FMN1: variants seen among roughly 807,000 people sequenced by gnomAD.
The protein encoded by FMN1 is formin-1.
Under a neutral mutation model 132.4 loss-of-function variants are expected in FMN1, and 110 were observed. The ratio of observed to expected loss-of-function variants is 0.83; its 90% CI spans 0.71 to 0.97. The LOEUF is 0.97. Among genes scored for constraint, FMN1 ranks in the 50% least tolerant of loss-of-function variants. The pLI is 0.00. For synonymous variants in FMN1, 722 were observed against 651.7 expected (o/e 1.11, Z -1.64); for missense variants, 1,792 against 1,705.3 (o/e 1.05, Z -0.90).
Position 33,059,900 on chromosome 15 carries a change from G to T in FMN1, c.2161+5057C>A, listed in dbSNP as rs115786572. ...TATGTGATTCTTGAGTCTCCAGTCCGCACTTTTGATTCCTCTCCTAAAAGC... is the reference window on the plus strand; with the variant it reads ...TATGTGATTCTTGAGTCTCCAGTCCTCACTTTTGATTCCTCTCCTAAAAGC... On this transcript the variant is annotated intron_variant, in intron 6 of 20. Transcript: ENST00000616417. 6.5e-3 allele frequency among the ~76,000 whole-genome samples: 985 copies of T among 152,248 alleles called. 14 individuals are homozygous for T. Among genetic ancestry groups the T allele is most frequent in the African/African-American group, 0.023 (954 of 41,538 alleles).
At chr15:33,090,182 A>G (rs1232884297) in intron 4 of FMN1, among the ~76,000 whole-genome samples, 2 of 152,204 alleles carry the variant, frequency 1.3e-5, no homozygotes, top group African/African-American at 4.8e-5. Flanking sequence ...GTATTTTGCA[A>G]TAGAGATCAC....
At chr15:33,089,477 C>T (rs1292676512) in intron 4 of FMN1, among the ~76,000 whole-genome samples, 1 of 152,176 alleles carries the variant, frequency 6.6e-6, no homozygotes, top group African/African-American at 2.4e-5. Flanking sequence ...GCATGAGAAA[C>T]CCATTTTGGA....
intron 2 of FMN1, among the ~76,000 whole-genome samples, chr15:33,185,195 C>T (rs1017530446): frequency 1.3e-5 from 2 of 152,168 alleles, no homozygotes; most frequent in African/African-American, 4.8e-5. Flanking sequence ...TTAAAATACA[C>T]AACAGTTGCA....
At chr15:32,903,821 A>G (rs1596234770) in intron 12 of FMN1, among the ~76,000 whole-genome samples, 1 of 152,234 alleles carries the variant, frequency 6.6e-6, no homozygotes, top group East Asian at 1.9e-4. Flanking sequence ...AAGGCTCTCT[A>G]GGATTAAAGC....
intron 6 of FMN1, among the ~76,000 whole-genome samples, chr15:33,019,639 A>G (rs2035306248): frequency 6.6e-6 from 1 of 152,170 alleles, no homozygotes; most frequent in Non-Finnish European, 1.5e-5. Flanking sequence ...GAGGCAGCTA[A>G]GCCCCGGGGA....
chr15:33,059,809 A>G lies in FMN1; in HGVS notation c.2161+5148T>C, dbSNP rs114573751. ...TTTATATTCTAAAAACTGAGACTCT[A>G]TATTTTAATCTCTTGCTTCTACTCT... On this transcript the variant is annotated intron_variant, in intron 6 of 20. Coordinates refer to ENST00000616417, the MANE Select transcript of FMN1 (RefSeq NM_001277313.2). Among the ~76,000 whole-genome samples the G allele has an allele frequency of 6.5e-3, 990 of 152,318 alleles. 14 individuals carry two copies. The highest frequency in any genetic ancestry group is 0.023 in the African/African-American group (952 of 41,556).
At chr15:33,121,921 A>G (rs1192820238) in intron 4 of FMN1, among the ~76,000 whole-genome samples, 2 of 152,204 alleles carry the variant, frequency 1.3e-5, no homozygotes, top group Non-Finnish European at 2.9e-5. Flanking sequence ...AAAATCTAGA[A>G]CTTAATTAGG....
chr15:33,136,730 T>G (rs1963783052), intron 4 of FMN1, among the ~76,000 whole-genome samples: 1 of 152,340 alleles, frequency 6.6e-6, no homozygotes, highest in South Asian at 2.1e-4. Context: ...CTATATTGAA[T>G]GCAAGTCCCT....
chr15:32,969,443 C>A lies in FMN1; in HGVS notation c.2258G>T (p.Gly753Val), dbSNP rs775458709. ...QFELRAFHIRGEHAMITARLE... is the reference protein window; with the variant it reads ...QFELRAFHIRVEHAMITARLE... ...TCTCGCTGTTATCATTGCATGCTCG[C>A]CCCGGATATGAAATGCCCGAAGTTC... The change falls in exon 8 of 21, where the codon GGC becomes GTC. Residue 753 changes from glycine (G) to valine (V), a missense_variant. By Grantham distance (109) the Gly-to-Val change is moderately radical. Transcript: ENST00000616417. 55 of 1,613,812 alleles carry A rather than the reference C, an allele frequency of 3.4e-5. No homozygotes were observed. The highest frequency in any genetic ancestry group is 4.7e-5 in the Non-Finnish European group (55 of 1,179,854).
intron 5 of FMN1, chr15:33,067,780 C>T (rs1280175347): frequency 6.2e-7 from 1 of 1,613,904 alleles, no homozygotes; most frequent in Non-Finnish European, 8.5e-7. Context: ...ATAGGGATTT[C>T]ATAGAGAACT....
At chr15:32,972,688 A>T (rs2031886754) in intron 7 of FMN1, among the ~76,000 whole-genome samples, 1 of 151,984 alleles carries the variant, frequency 6.6e-6, no homozygotes, top group African/African-American at 2.4e-5. Flanking sequence ...CTTCCTTGCC[A>T]TTTTTTTCCT....
chr15:32,918,307 TA>T (rs910397183), intron 10 of FMN1, among the ~76,000 whole-genome samples: 22 of 148,706 alleles, frequency 1.5e-4, no homozygotes, highest in Middle Eastern at 3.5e-3. Flanking sequence ...TCCAAACAGA[TA>T]AAAAAAAAAT....
chr15:32,898,232 A>T lies in FMN1; in HGVS notation c.3714+602T>A, dbSNP rs1368465356. The stretch of plus-strand genomic sequence containing the variant: ...TTTGAGACTTTTACTATTCATATCG[A>T]TTGCTATATTTCTTAACATCTTACA... On this transcript the variant is annotated intron_variant, in intron 15 of 20. Coordinates refer to ENST00000616417, the MANE Select transcript of FMN1 (RefSeq NM_001277313.2). Among the ~76,000 whole-genome samples the T allele has an allele frequency of 2.6e-5, 4 of 152,328 alleles. No homozygotes were observed. In the East Asian group the frequency reaches 5.8e-4, roughly 22 times the overall value.
intron 4 of FMN1, among the ~76,000 whole-genome samples, chr15:33,124,255 G>GA (rs952322106): frequency 6.6e-5 from 10 of 151,400 alleles, no homozygotes; most frequent in African/African-American, 2.4e-4. Context: ...TTATGTGGAG[G>GA]AAAAAAACAC....
chr15:33,048,644 A>AAAAAAAAAAAAAAACAAAAAC lies in FMN1; in HGVS notation c.2161+16312_2161+16313insGTTTTTGTTTTTTTTTTTTTT. On this transcript the variant is annotated intron_variant, in intron 6 of 20. Transcript: ENST00000616417. ...TGGGCAATTTACCAAAAAAAAAAAA[A>AAAAAAAAAAAAAAACAAAAAC]AAAAACCAACAGTTTAATGGACTTA... is the stretch of plus-strand genomic sequence containing the variant. Among the ~76,000 whole-genome samples the AAAAAAAAAAAAAAACAAAAAC allele has an allele frequency of 3.8e-3, 326 of 86,782 alleles. 8 individuals are homozygous for AAAAAAAAAAAAAAACAAAAAC. The highest frequency in any genetic ancestry group is 0.011 in the African/African-American group (271 of 24,240). 56.9% of individuals were successfully genotyped at this position (86,782 alleles called of 152,430 possible). A position where few individuals can be genotyped will look rare whatever the true frequency, so the allele number is the denominator to read the frequency against.
chr15:33,120,107 A>C, intron 4 of FMN1, among the ~76,000 whole-genome samples: 1 of 152,210 alleles, frequency 6.6e-6, no homozygotes, highest in Admixed American at 6.5e-5. Flanking sequence ...AGTTTGATTC[A>C]GGACTCTGAC....
Position 32,969,103 on chromosome 15 carries a change from C to T in FMN1, c.2598G>A (p.Lys866=). Residue 866 remains lysine (K), a synonymous_variant, in exon 8 of 21, where the codon AAG becomes AAA. Coordinates refer to ENST00000616417, the MANE Select transcript of FMN1 (RefSeq NM_001277313.2). The stretch of plus-strand genomic sequence containing the variant: ...TGGATGCGGGAGGCGGAGGCAATGC[C>T]TTCTGCTGATTTGATGCCATGCCCT... ...PMEGMASNQQ[K]ALPPPPASIP... 1 of 1,612,276 alleles carries T rather than the reference C, an allele frequency of 6.2e-7. No homozygotes were observed. The highest frequency in any genetic ancestry group is 8.5e-7 in the Non-Finnish European group (1 of 1,178,762).
intron 4 of FMN1, among the ~76,000 whole-genome samples, chr15:33,122,996 G>A (rs978241758): frequency 6.6e-6 from 1 of 151,548 alleles, no homozygotes; most frequent in Non-Finnish European, 1.5e-5. Flanking sequence ...CAAATAAAAA[G>A]ACAGGCCGAG....
At chr15:33,155,662 C>G (rs1964642335) in intron 3 of FMN1, among the ~76,000 whole-genome samples, 1 of 152,050 alleles carries the variant, frequency 6.6e-6, no homozygotes, top group African/African-American at 2.4e-5. Context: ...TTGCTGTTTT[C>G]TTTTTTATTT....
Sources: allele counts gnomAD v4.1 joint callset (sites outside exome capture counted in the v4.1 genomes callset), GRCh38; gene constraint gnomAD v4.1.1; transcripts MANE v1.5; gene names NCBI Gene and HGNC (gene_info 2026-07-23, HGNC 2026-07-21).